The following LSAMP variants were observed in gnomAD, a reference collection of about 807,000 sequenced individuals.
LSAMP encodes the protein limbic system associated membrane protein.
Under a neutral mutation model 38.6 loss-of-function variants are expected in LSAMP, and 7 were observed. That is an observed-to-expected ratio of 0.18 (90% CI 0.10 to 0.34). The LOEUF (loss-of-function observed/expected upper bound fraction) is 0.34. Among genes scored for constraint, LSAMP ranks in the 10% least tolerant of loss-of-function variants. The pLI is 1.00. For missense variants in LSAMP, 313 were observed against 420.0 expected (o/e 0.75, Z 2.23); for synonymous variants, 154 against 166.8 (o/e 0.92, Z 0.59).
chr3:115,904,105 G>T (rs1033382020), intron 3 of LSAMP, among the ~76,000 whole-genome samples: 2 of 151,822 alleles, frequency 1.3e-5, no homozygotes, highest in Non-Finnish European at 2.9e-5. Flanking sequence ...ATCTGTCGAC[G>T]GTAGTCAAAA....
In LSAMP at chr3:116,328,810, G is replaced by A. The variant is rs2047810862; in HGVS notation, c.155+116067C>T. 4.6e-5 allele frequency among the ~76,000 whole-genome samples: 7 copies of A among 151,772 alleles called. 1 individual carries two copies. The highest frequency in any genetic ancestry group is 4.6e-4 in the Admixed American group (7 of 15,236). ...ATCAAAATGGATAATTTTTATTTAA[G>A]GTTTTTAAGAAAAATTAATGTATAG... On this transcript the variant is annotated intron_variant, in intron 1 of 6. Coordinates refer to ENST00000490035, the MANE Select transcript of LSAMP (RefSeq NM_002338.5).
At chr3:116,297,542 A>ATTGAC (rs1290480512) in intron 1 of LSAMP, among the ~76,000 whole-genome samples, 1 of 152,164 alleles carries the variant, frequency 6.6e-6, no homozygotes, top group Non-Finnish European at 1.5e-5. Context: ...CATATTTTCT[A>ATTGAC]TTGACTTGAC....
At chr3:116,068,439 G>A (rs1707514557) in intron 2 of LSAMP, among the ~76,000 whole-genome samples, 1 of 147,602 alleles carries the variant, frequency 6.8e-6, no homozygotes, top group African/African-American at 2.6e-5. Context: ...CTGGATATGT[G>A]GTAAAAAAAA....
At chr3:115,842,285 C>T (rs1029928087) in intron 5 of LSAMP, among the ~76,000 whole-genome samples, 173 bp downstream of exon 5, 2 of 152,200 alleles carry the variant, frequency 1.3e-5, no homozygotes, top group African/African-American at 4.8e-5. Flanking sequence ...TTTTGGGCTT[C>T]AGCTTAAGAG....
At chr3:115,984,072 G>A (rs1939441573) in intron 3 of LSAMP, among the ~76,000 whole-genome samples, 1 of 129,500 alleles carries the variant, frequency 7.7e-6, no homozygotes, top group Non-Finnish European at 1.7e-5. Context: ...ATAATACCAA[G>A]TTGGAAAAAA....
chr3:115,821,470 C>T (rs905204933), intron 6 of LSAMP, among the ~76,000 whole-genome samples: 3 of 152,142 alleles, frequency 2.0e-5, no homozygotes, highest in Admixed American at 1.3e-4. Context: ...ATATTGTTTG[C>T]ACAGTTGTTC....
At chr3:115,864,895 A>T (rs1369010874) in intron 3 of LSAMP, among the ~76,000 whole-genome samples, 1 of 152,212 alleles carries the variant, frequency 6.6e-6, no homozygotes, top group Non-Finnish European at 1.5e-5. Context: ...ACAAGCACTT[A>T]AATGTACTCA....
At chr3:116,358,534 T>C (rs1025730701) in intron 1 of LSAMP, among the ~76,000 whole-genome samples, 1 of 152,170 alleles carries the variant, frequency 6.6e-6, no homozygotes, top group Non-Finnish European at 1.5e-5. Flanking sequence ...AGCTTTGTTA[T>C]GCAAAGTTAC....
At chr3:116,066,926 T>C (rs1435816342) in intron 2 of LSAMP, among the ~76,000 whole-genome samples, 1 of 152,202 alleles carries the variant, frequency 6.6e-6, no homozygotes, top group Non-Finnish European at 1.5e-5. Context: ...TGCAAATAAG[T>C]ATTCTATATT....
chr3:116,442,305 C>T (rs539872857), intron 1 of LSAMP, among the ~76,000 whole-genome samples: 9 of 152,146 alleles, frequency 5.9e-5, no homozygotes, highest in African/African-American at 1.4e-4. Context: ...TCATATCATT[C>T]GGGGCCACAA....
chr3:116,277,523 C>A (rs1255004905), intron 1 of LSAMP, among the ~76,000 whole-genome samples: 1 of 152,068 alleles, frequency 6.6e-6, no homozygotes, highest in East Asian at 1.9e-4. Context: ...GCGCCCACCA[C>A]CACGCCTGGC....
intron 3 of LSAMP, among the ~76,000 whole-genome samples, chr3:115,933,822 C>T (rs17696755): frequency 0.082 from 12,458 of 152,106 alleles, 665 homozygotes; most frequent in Middle Eastern, 0.22. Flanking sequence ...GTGCCCTCCG[C>T]GAGAATGTGC....
intron 3 of LSAMP, among the ~76,000 whole-genome samples, chr3:115,972,057 AAAGCTCTAATGGAAGAAAATCT>A (rs1939037509): frequency 1.3e-5 from 2 of 152,128 alleles, no homozygotes; most frequent in Admixed American, 1.3e-4. Flanking sequence ...CACTAATAGA[AAAGCTCTAATGGAAGAAAATCT>A]ATAAATTCTG....
intron 1 of LSAMP, among the ~76,000 whole-genome samples, chr3:116,174,902 C>T (rs1219367837): frequency 3.3e-5 from 5 of 152,098 alleles, no homozygotes; most frequent in Non-Finnish European, 7.4e-5. Flanking sequence ...TGACCCTTTG[C>T]TTCAGTTCAT....
chr3:116,082,090 G>A (rs1035763105), intron 2 of LSAMP, among the ~76,000 whole-genome samples: 3 of 152,204 alleles, frequency 2.0e-5, no homozygotes, highest in Middle Eastern at 6.8e-3. Flanking sequence ...GTCATGTGAG[G>A]ATTTCCTTTG....
chr3:116,349,751 G>A (rs372976086), intron 1 of LSAMP, among the ~76,000 whole-genome samples: 1 of 151,904 alleles, frequency 6.6e-6, no homozygotes, highest in Non-Finnish European at 1.5e-5. Flanking sequence ...GTAGTCACAC[G>A]CCTGGGATTT....
chr3:115,879,958 C>G (rs1936280180), intron 3 of LSAMP, among the ~76,000 whole-genome samples: 1 of 151,912 alleles, frequency 6.6e-6, no homozygotes, highest in South Asian at 2.1e-4. Flanking sequence ...TGAATTCATT[C>G]AATTTATCAT....
intron 3 of LSAMP, among the ~76,000 whole-genome samples, chr3:115,995,322 T>G (rs1037422827): frequency 2.6e-5 from 4 of 152,036 alleles, no homozygotes; most frequent in Admixed American, 6.6e-5. Context: ...TGAAGGCCAG[T>G]ACTGATCCCA....
intron 1 of LSAMP, among the ~76,000 whole-genome samples, chr3:116,294,945 TC>T (rs1002566899): frequency 6.6e-6 from 1 of 152,026 alleles, no homozygotes; most frequent in Non-Finnish European, 1.5e-5. Flanking sequence ...ACTGCATAGT[TC>T]TTACAATCTT....
Sources: allele counts gnomAD v4.1 joint callset (sites outside exome capture counted in the v4.1 genomes callset), GRCh38; gene constraint gnomAD v4.1.1; transcripts MANE v1.5; gene names NCBI Gene and HGNC (gene_info 2026-07-23, HGNC 2026-07-21).